Variants in WDR72 observed in about 807,000 individuals in gnomAD.
WDR72 encodes WD repeat-containing protein 72.
Under a neutral mutation model 124.2 loss-of-function variants are expected in WDR72, and 120 were observed. The observed-to-expected ratio is 0.97, with a 90% CI of 0.83 to 1.12. The LOEUF (loss-of-function observed/expected upper bound fraction) is 1.12, where lower values mean the gene tolerates loss of function less well. Ranked by LOEUF, WDR72 falls within the 50% of genes most tolerant of loss-of-function variation. The pLI is 0.00. For synonymous variants in WDR72, 452 were observed against 441.7 expected, an observed-to-expected ratio of 1.02 and a Z score of -0.29; for missense variants, 1,387 against 1,278.8, an observed-to-expected ratio of 1.08 and a Z score of -1.29.
At chr15:53,692,302 C>G (rs1248137829) in intron 13 of WDR72, among the ~76,000 whole-genome samples, 1 of 152,074 alleles carries the variant, frequency 6.6e-6, no homozygotes, top group East Asian at 1.9e-4. Context: ...ATTCTAGTGT[C>G]CTTCACAGTG....
At chr15:53,726,637 T>G (rs1567051446) in intron 2 of WDR72, among the ~76,000 whole-genome samples, 1 of 151,926 alleles carries the variant, frequency 6.6e-6, no homozygotes, top group African/African-American at 2.4e-5. Context: ...AATCCAGAAA[T>G]TCAAGACCAG....
chr15:53,534,610 G>T (rs1421292564), intron 18 of WDR72, among the ~76,000 whole-genome samples: 2 of 152,010 alleles, frequency 1.3e-5, no homozygotes, highest in Admixed American at 6.6e-5. Flanking sequence ...CATTTGGTTT[G>T]ATCTTTGCTA....
chr15:53,554,180 A>G (rs1020837577), intron 18 of WDR72, among the ~76,000 whole-genome samples: 1 of 152,140 alleles, frequency 6.6e-6, no homozygotes, highest in Non-Finnish European at 1.5e-5. Context: ...TGACTATGAT[A>G]GTCTTCTTCA....
At chr15:53,606,291 G>A (rs1227058992) in intron 17 of WDR72, among the ~76,000 whole-genome samples, 2 of 152,018 alleles carry the variant, frequency 1.3e-5, no homozygotes, top group Non-Finnish European at 2.9e-5. Context: ...TTGGCCACTG[G>A]GGAAAAAATC....
intron 18 of WDR72, among the ~76,000 whole-genome samples, chr15:53,581,096 C>A (rs1254159265): frequency 6.6e-6 from 1 of 152,120 alleles, no homozygotes; most frequent in Admixed American, 6.6e-5. Context: ...AGTTTTTGTG[C>A]AGATTCAAGA....
intron 13 of WDR72, among the ~76,000 whole-genome samples, chr15:53,668,996 A>AGGG (rs781054932): frequency 0.41 from 42,359 of 104,496 alleles, 7,529 homozygotes; most frequent in African/African-American, 0.42. Flanking sequence ...AAGGAGGAGG[A>AGGG]GAAGGAGAAG....
chr15:53,600,489 C>T (rs2012996675), intron 17 of WDR72, among the ~76,000 whole-genome samples: 1 of 152,098 alleles, frequency 6.6e-6, no homozygotes, highest in African/African-American at 2.4e-5. Context: ...ATAAAGTTTA[C>T]AAACTCATTG....
Position 53,648,334 on chromosome 15 carries a change from C to G in WDR72, c.1962+17238G>C, listed in dbSNP as rs147166678. Among the ~76,000 whole-genome samples, 378 of 152,224 alleles carry G rather than the reference C, an allele frequency of 2.5e-3. 6 individuals carry two copies. The highest frequency in any genetic ancestry group is 8.7e-3 in the African/African-American group (361 of 41,546). ...AACAAGTATGTGTTACTAAATTACT[C>G]TGTACTCACCCTCTGGAGATGAAAA... On this transcript the variant is annotated intron_variant, in intron 14 of 19. Coordinates refer to ENST00000360509, the MANE Select transcript of WDR72 (RefSeq NM_182758.4).
chr15:53,717,664 T>G (rs911407443), intron 3 of WDR72, among the ~76,000 whole-genome samples: 3 of 152,158 alleles, frequency 2.0e-5, no homozygotes, highest in Non-Finnish European at 2.9e-5. Context: ...AACACACTAG[T>G]GGCATCTAGT....
chr15:53,716,402 G>C (rs1475228374), intron 4 of WDR72, among the ~76,000 whole-genome samples: 1 of 152,160 alleles, frequency 6.6e-6, no homozygotes, highest in African/African-American at 2.4e-5. Flanking sequence ...GAAAGAATCA[G>C]GGGGAAAATC....
chr15:53,652,015 T>A (rs886304163), intron 14 of WDR72: 1 of 152,322 alleles, frequency 6.6e-6, no homozygotes, highest in East Asian at 1.9e-4. Flanking sequence ...AAATGTAGCA[T>A]CTGTTTTTAT....
At chr15:53,617,138 C>T (rs1236478067) in intron 14 of WDR72, among the ~76,000 whole-genome samples, 3 of 151,828 alleles carry the variant, frequency 2.0e-5, no homozygotes, top group East Asian at 1.9e-4. Context: ...TAAATTATAT[C>T]GATCGGTGAA....
chr15:53,656,451 A>G (rs977383009), intron 14 of WDR72, among the ~76,000 whole-genome samples: 9 of 152,186 alleles, frequency 5.9e-5, no homozygotes, highest in African/African-American at 2.2e-4. Context: ...ATGGGGAAAT[A>G]TTCCATGAAA....
chr15:53,539,682 A>G (rs1892966051), intron 18 of WDR72, among the ~76,000 whole-genome samples: 1 of 151,960 alleles, frequency 6.6e-6, no homozygotes, highest in Non-Finnish European at 1.5e-5. Flanking sequence ...CTCAATACCT[A>G]CATACAGAAA....
intron 3 of WDR72, among the ~76,000 whole-genome samples, chr15:53,718,970 AT>A (rs2017796797): frequency 6.6e-6 from 1 of 152,042 alleles, no homozygotes; most frequent in Non-Finnish European, 1.5e-5. Context: ...GAAAAGGGGA[AT>A]TTTTTGGTCT....
At chr15:53,741,572 A>G (rs1318389501) in intron 1 of WDR72, among the ~76,000 whole-genome samples, 1 of 152,250 alleles carries the variant, frequency 6.6e-6, no homozygotes, top group African/African-American at 2.4e-5. Context: ...TGATGTAAAC[A>G]AAAGCATATG....
At chr15:53,518,780 C>G (rs887053414) in intron 19 of WDR72, among the ~76,000 whole-genome samples, 1 of 151,724 alleles carries the variant, frequency 6.6e-6, no homozygotes, top group Admixed American at 6.6e-5. Context: ...AAAAAAAACT[C>G]CACCTTGGCT....
chr15:53,596,300 T>C (rs561101871), intron 18 of WDR72, among the ~76,000 whole-genome samples: 1 of 152,070 alleles, frequency 6.6e-6, no homozygotes, highest in Admixed American at 6.6e-5. Context: ...AAAGTTGTAC[T>C]TTTTTTTACA....
chr15:53,660,318 T>G (rs1305358220), intron 14 of WDR72, among the ~76,000 whole-genome samples: 2 of 152,130 alleles, frequency 1.3e-5, no homozygotes, highest in African/African-American at 2.4e-5. Flanking sequence ...ATTTAATACT[T>G]TTACAAGTAT....
Sources: gnomAD v4.1 joint callset for allele counts (sites outside exome capture counted in the v4.1 genomes callset) on GRCh38, gnomAD v4.1.1 for gene constraint, MANE v1.5 for transcripts, NCBI Gene and HGNC (gene_info 2026-07-23, HGNC 2026-07-21) for gene names.